CLSTN2: variants seen among roughly 807,000 people sequenced by gnomAD.
CLSTN2 encodes the protein calsyntenin 2.
A neutral mutation model predicts 101.2 loss-of-function variants in CLSTN2; 48 were observed. The observed-to-expected ratio is 0.47, with a 90% CI of 0.38 to 0.60. The LOEUF is 0.60. Among genes scored for constraint, CLSTN2 ranks in the 20% least tolerant of loss-of-function variants. The probability of loss-of-function intolerance (pLI) is 0.00; values close to 1 mark genes in which losing one functional copy is unlikely to be tolerated. For missense variants in CLSTN2, 1,160 were observed against 1,238.2 expected, an observed-to-expected ratio of 0.94 and a Z score of 0.95; for synonymous variants, 481 against 463.6, an observed-to-expected ratio of 1.04 and a Z score of -0.48.
At chr3:140,495,309 TG>T (rs1403461312) in intron 8 of CLSTN2, among the ~76,000 whole-genome samples, 2 of 152,162 alleles carry the variant, frequency 1.3e-5, no homozygotes, top group Non-Finnish European at 2.9e-5. Context: ...TACTTTTTAA[TG>T]TTTTTTTTTC....
At chr3:140,004,294 A>G (rs2006910910) in intron 1 of CLSTN2, among the ~76,000 whole-genome samples, 1 of 152,238 alleles carries the variant, frequency 6.6e-6, no homozygotes, top group South Asian at 2.1e-4. Context: ...TTGGAAAGTG[A>G]CTTTCTTATG....
intron 2 of CLSTN2, among the ~76,000 whole-genome samples, chr3:140,391,639 TATA>T (rs1214247239): frequency 1.3e-5 from 2 of 151,864 alleles, no homozygotes; most frequent in Admixed American, 6.6e-5. Context: ...CTAATACTAA[TATA>T]ATATTAAATT....
At chr3:140,414,777 A>G (rs1421174894) in intron 4 of CLSTN2, among the ~76,000 whole-genome samples, 1 of 152,134 alleles carries the variant, frequency 6.6e-6, no homozygotes, top group Non-Finnish European at 1.5e-5. Context: ...GACTCAATGC[A>G]ATCTCTATCA....
intron 2 of CLSTN2, among the ~76,000 whole-genome samples, chr3:140,255,873 T>A (rs1189822611): frequency 2.6e-5 from 4 of 152,172 alleles, no homozygotes; most frequent in African/African-American, 9.6e-5. Context: ...ACTGGACATA[T>A]AACCAGGGTG....
chr3:140,427,235 A>G lies in CLSTN2; in HGVS notation c.787+5961A>G, dbSNP rs1216864804. Among the ~76,000 whole-genome samples the G allele has an allele frequency of 1.1e-3, 149 of 134,592 alleles. 3 individuals are homozygous for G. The highest frequency in any genetic ancestry group is 1.9e-3 in the South Asian group (9 of 4,630). The allele number at this position is 134,592 out of a possible 152,430, so 88.3% of individuals were successfully genotyped here. Reference sequence around the variant, plus strand: ...TATATATATATATATGTGTGTATATATATATATATACATATATATATACAT... The same window carrying G: ...TATATATATATATATGTGTGTATATGTATATATATACATATATATATACAT... On this transcript the variant is annotated intron_variant, in intron 5 of 16. Coordinates refer to ENST00000458420, the MANE Select transcript of CLSTN2 (RefSeq NM_022131.3).
chr3:140,288,271 A>T (rs1445478227), intron 2 of CLSTN2, among the ~76,000 whole-genome samples: 1 of 152,184 alleles, frequency 6.6e-6, no homozygotes, highest in Non-Finnish European at 1.5e-5. Context: ...GTGGGAAGAA[A>T]AGTGGAAGGA....
chr3:140,477,359 T>G (rs78989726), intron 8 of CLSTN2, among the ~76,000 whole-genome samples: 9,310 of 152,236 alleles, frequency 0.061, 351 homozygotes, highest in Non-Finnish European at 0.089. Flanking sequence ...CTTGGTTACT[T>G]AGAAGACAGT....
At chr3:140,299,229 A>G (rs1576505003) in intron 2 of CLSTN2, among the ~76,000 whole-genome samples, 1 of 152,200 alleles carries the variant, frequency 6.6e-6, no homozygotes, top group Non-Finnish European at 1.5e-5. Flanking sequence ...AGGGGCTGTA[A>G]CCCTGGACAG....
intron 1 of CLSTN2, among the ~76,000 whole-genome samples, chr3:140,096,619 G>C (rs1326531731): frequency 6.6e-6 from 1 of 152,136 alleles, no homozygotes; most frequent in African/African-American, 2.4e-5. Context: ...ACATCAGCTG[G>C]GAACATTAGC....
intron 1 of CLSTN2, among the ~76,000 whole-genome samples, chr3:140,052,022 A>G (rs1023250994): frequency 5.9e-5 from 9 of 152,220 alleles, no homozygotes; most frequent in African/African-American, 2.2e-4. Context: ...GCGAAGACTC[A>G]GATAGTTTAA....
At chr3:140,021,965 C>T (rs1220505621) in intron 1 of CLSTN2, among the ~76,000 whole-genome samples, 4 of 152,176 alleles carry the variant, frequency 2.6e-5, no homozygotes, top group Non-Finnish European at 5.9e-5. Context: ...GCAGACAGAA[C>T]TGGGACCTGG....
At chr3:140,139,868 A>G (rs1242658281) in intron 1 of CLSTN2, among the ~76,000 whole-genome samples, 1 of 152,192 alleles carries the variant, frequency 6.6e-6, no homozygotes, top group Non-Finnish European at 1.5e-5. Context: ...TGGTTATATC[A>G]CGACTTGCCT....
At chr3:140,053,813 G>A (rs1200711765) in intron 1 of CLSTN2, among the ~76,000 whole-genome samples, 7 of 152,200 alleles carry the variant, frequency 4.6e-5, no homozygotes, top group African/African-American at 1.4e-4. Context: ...ATCTCAGGGG[G>A]TTATTGTGGA....
intron 8 of CLSTN2, among the ~76,000 whole-genome samples, chr3:140,494,958 T>C (rs1934433033): frequency 6.6e-6 from 1 of 152,236 alleles, no homozygotes; most frequent in Admixed American, 6.5e-5. Flanking sequence ...GAATGATTTA[T>C]ATTCCTTCGG....
intron 1 of CLSTN2, among the ~76,000 whole-genome samples, chr3:140,124,659 C>G (rs1245522477): frequency 3.9e-5 from 6 of 152,092 alleles, no homozygotes; most frequent in Admixed American, 3.9e-4. Flanking sequence ...ATGGGGGCAG[C>G]CATCAGAGGC....
intron 1 of CLSTN2, among the ~76,000 whole-genome samples, chr3:140,027,822 A>T (rs1332665087): frequency 1.3e-5 from 2 of 152,238 alleles, no homozygotes; most frequent in Non-Finnish European, 2.9e-5. Context: ...GAGGGGACAA[A>T]AGAGAAGGGA....
chr3:140,102,836 G>A (rs1246648056), intron 1 of CLSTN2, among the ~76,000 whole-genome samples: 1 of 152,058 alleles, frequency 6.6e-6, no homozygotes, highest in Non-Finnish European at 1.5e-5. Context: ...CAGGTCAAGA[G>A]GTCCAATACT....
chr3:140,396,866 TG>T (rs981042536), intron 2 of CLSTN2, among the ~76,000 whole-genome samples: 3 of 152,186 alleles, frequency 2.0e-5, no homozygotes, highest in African/African-American at 7.2e-5. Context: ...AATTATGAGC[TG>T]GGGGGACACT....
At chr3:140,335,851 G>A (rs1278984432) in intron 2 of CLSTN2, among the ~76,000 whole-genome samples, 1 of 152,180 alleles carries the variant, frequency 6.6e-6, no homozygotes, top group African/African-American at 2.4e-5. Context: ...CCTTGAATGT[G>A]GCTGTGTGCA....
Sources: gnomAD v4.1 joint callset for allele counts (sites outside exome capture counted in the v4.1 genomes callset) on GRCh38, gnomAD v4.1.1 for gene constraint, MANE v1.5 for transcripts, NCBI Gene and HGNC (gene_info 2026-07-23, HGNC 2026-07-21) for gene names.